Variants in KCNIP4 observed in about 807,000 individuals in gnomAD.
The protein encoded by KCNIP4 is potassium voltage-gated channel interacting protein 4.
In KCNIP4, 12 loss-of-function variants were observed where a neutral mutation model predicts 34.0. That is an observed-to-expected ratio of 0.35 (90% CI 0.23 to 0.57). The LOEUF (loss-of-function observed/expected upper bound fraction) is 0.57, where lower values mean the gene tolerates loss of function less well. Ranked by LOEUF, KCNIP4 falls within the 20% of genes least tolerant of loss-of-function variation. KCNIP4 has a pLI of 0.83. For synonymous variants in KCNIP4, 124 were observed against 102.2 expected (o/e 1.21, Z -1.29); for missense variants, 238 against 311.7 (o/e 0.76, Z 1.78).
intron 1 of KCNIP4, among the ~76,000 whole-genome samples, chr4:21,290,490 C>T (rs1345629088): frequency 6.6e-6 from 1 of 152,182 alleles, no homozygotes; most frequent in South Asian, 2.1e-4. Context: ...ACCAACCTCC[C>T]GTGTGTATAC....
chr4:21,701,661 A>C (rs1479682902), intron 1 of KCNIP4, among the ~76,000 whole-genome samples: 4 of 152,148 alleles, frequency 2.6e-5, no homozygotes, highest in African/African-American at 9.7e-5. Flanking sequence ...AATGTACTCA[A>C]AAATTAAGAT....
intron 8 of KCNIP4, 153 bp downstream of exon 8, chr4:20,731,853 T>C (rs1206355678): frequency 1.0e-6 from 1 of 985,310 alleles, no homozygotes; most frequent in Non-Finnish European, 1.2e-6. Context: ...GGTGCTTGTT[T>C]TCAGAGTGGT....
chr4:21,202,346 C>T (rs867097063), intron 1 of KCNIP4, among the ~76,000 whole-genome samples: 3 of 152,152 alleles, frequency 2.0e-5, no homozygotes, highest in East Asian at 1.9e-4. Flanking sequence ...CCAAATATCA[C>T]GTGTTCTCAC....
chr4:21,945,113 C>T (rs979158834), intron 1 of KCNIP4, among the ~76,000 whole-genome samples: 8 of 152,044 alleles, frequency 5.3e-5, no homozygotes, highest in Admixed American at 2.0e-4. Context: ...AAAGTGAGAA[C>T]ACGAAAAATA....
rs1491328162 is a variant in KCNIP4 at position 21,234,418 on chromosome 4, TATATATATTACATATAACGTATATA to T, written c.62-351734_62-351710del. Among the ~76,000 whole-genome samples the T allele has an allele frequency of 1.1e-4, 10 of 94,656 alleles. 1 individual carries two copies. The highest frequency in any genetic ancestry group is 2.9e-4 in the East Asian group (1 of 3,408). The allele number at this position is 94,656 out of a possible 152,430, so 62.1% of individuals were successfully genotyped here. A position where few individuals can be genotyped will look rare whatever the true frequency, so the allele number is the denominator to read the frequency against. ...ATATAATATATTATATAACATATAC[TATATATATTACATATAACGTATATA>T]ATATATATTACATATAACGTATATA... is the stretch of plus-strand genomic sequence containing the variant. On this transcript the variant is annotated intron_variant, in intron 1 of 8. Transcript: ENST00000382152.
intron 1 of KCNIP4, among the ~76,000 whole-genome samples, chr4:21,284,129 T>G (rs1170547948): frequency 6.6e-6 from 1 of 150,896 alleles, no homozygotes; most frequent in Non-Finnish European, 1.5e-5. Flanking sequence ...AGGAGAATGG[T>G]GTGAACCCAG....
intron 1 of KCNIP4, among the ~76,000 whole-genome samples, chr4:21,121,199 C>T (rs1560740822): frequency 6.6e-6 from 1 of 152,192 alleles, no homozygotes; most frequent in Non-Finnish European, 1.5e-5. Flanking sequence ...GTGACTCCTA[C>T]ATGAAATCAG....
At chr4:20,758,437 A>T (rs1039040588) in intron 4 of KCNIP4, among the ~76,000 whole-genome samples, 1 of 152,154 alleles carries the variant, frequency 6.6e-6, no homozygotes, top group East Asian at 1.9e-4. Context: ...CCCAGATTTC[A>T]TATCTATAAA....
chr4:21,217,648 G>T (rs1757684613), intron 1 of KCNIP4, among the ~76,000 whole-genome samples: 2 of 152,120 alleles, frequency 1.3e-5, no homozygotes, highest in Admixed American at 6.6e-5. Flanking sequence ...ATTGAGCTTA[G>T]GTAGATGAGT....
chr4:21,736,053 T>C (rs1303875249), intron 1 of KCNIP4, among the ~76,000 whole-genome samples: 1 of 152,166 alleles, frequency 6.6e-6, no homozygotes, highest in Middle Eastern at 3.2e-3. Flanking sequence ...GCGTGTGACT[T>C]AGTGTGCTCA....
chr4:21,492,361 G>A (rs1021437190), intron 1 of KCNIP4, among the ~76,000 whole-genome samples: 1 of 152,110 alleles, frequency 6.6e-6, no homozygotes, highest in African/African-American at 2.4e-5. Context: ...TAGGACTACA[G>A]ACATGTATCA....
At chr4:21,103,676 T>G (rs1052520379) in intron 1 of KCNIP4, among the ~76,000 whole-genome samples, 1 of 151,538 alleles carries the variant, frequency 6.6e-6, no homozygotes, top group African/African-American at 2.4e-5. Context: ...GCTAGTGTGC[T>G]GCACCAATTA....
intron 1 of KCNIP4, among the ~76,000 whole-genome samples, chr4:21,170,403 C>A (rs1471720987): frequency 1.3e-5 from 2 of 152,162 alleles, no homozygotes; most frequent in Admixed American, 6.5e-5. Context: ...AGGCCCCAGA[C>A]TTTTCTGGAA....
At chr4:20,893,543 C>T (rs1465146679) in intron 1 of KCNIP4, among the ~76,000 whole-genome samples, 1 of 151,920 alleles carries the variant, frequency 6.6e-6, no homozygotes. Context: ...CCGCCTCAGC[C>T]TCCCAAGTAG....
chr4:20,876,947 G>A (rs1036567686), intron 2 of KCNIP4, among the ~76,000 whole-genome samples: 8 of 152,134 alleles, frequency 5.3e-5, no homozygotes, highest in African/African-American at 1.9e-4. Flanking sequence ...AGGAATTGTC[G>A]CTGATCCTGT....
chr4:21,815,127 T>G (rs1721913291), intron 1 of KCNIP4, among the ~76,000 whole-genome samples: 1 of 152,120 alleles, frequency 6.6e-6, no homozygotes, highest in Non-Finnish European at 1.5e-5. Flanking sequence ...GTACACCAGG[T>G]TAAGGTGGAC....
chr4:21,048,944 C>CTTTTTTTTTTTT (rs949548104), intron 1 of KCNIP4, among the ~76,000 whole-genome samples: 8 of 96,046 alleles, frequency 8.3e-5, no homozygotes, highest in East Asian at 3.2e-4. Flanking sequence ...TTCTGTTTAT[C>CTTTTTTTTTTTT]TTTTTTTTTT....
At chr4:21,561,920 C>T (rs578216014) in intron 1 of KCNIP4, among the ~76,000 whole-genome samples, 6 of 152,010 alleles carry the variant, frequency 3.9e-5, no homozygotes, top group South Asian at 2.1e-4. Flanking sequence ...AAAAGGTAAA[C>T]GTATGACCCA....
At chr4:21,682,023 G>A (rs1750400547) in intron 1 of KCNIP4, among the ~76,000 whole-genome samples, 1 of 151,880 alleles carries the variant, frequency 6.6e-6, no homozygotes, top group Non-Finnish European at 1.5e-5. Context: ...TGAGTGTCTG[G>A]GATTATAGGC....
Sources: allele counts gnomAD v4.1 joint callset (sites outside exome capture counted in the v4.1 genomes callset), GRCh38; gene constraint gnomAD v4.1.1; transcripts MANE v1.5; gene names NCBI Gene and HGNC (gene_info 2026-07-23, HGNC 2026-07-21).